Variants in FMN2 observed in about 807,000 individuals in gnomAD.
The protein encoded by FMN2 is formin-2.
Under a neutral mutation model 142.3 loss-of-function variants are expected in FMN2, and 51 were observed. That is an observed-to-expected ratio of 0.36 (90% confidence interval 0.29 to 0.45). The LOEUF (loss-of-function observed/expected upper bound fraction) is 0.45, where lower values mean the gene tolerates loss of function less well. Among genes scored for constraint, FMN2 ranks in the 20% least tolerant of loss-of-function variants. FMN2 has a pLI of 1.00. For synonymous variants in FMN2, 882 were observed against 869.8 expected, an observed-to-expected ratio of 1.01 and a Z score of -0.25; for missense variants, 1,936 against 2,122.8, an observed-to-expected ratio of 0.91 and a Z score of 1.73.
intron 1 of FMN2, among the ~76,000 whole-genome samples, chr1:240,113,515 G>T: frequency 7.9e-6 from 1 of 126,090 alleles, no homozygotes; most frequent in East Asian, 2.4e-4. Context: ...CCGAGATCAC[G>T]ACACTGCACT....
intron 14 of FMN2, among the ~76,000 whole-genome samples, chr1:240,375,079 A>C (rs1672999491): frequency 6.6e-6 from 1 of 152,176 alleles, no homozygotes; most frequent in African/African-American, 2.4e-5. Context: ...AGAGGAAAAG[A>C]GATGATAAAC....
chr1:240,112,091 C>T (rs186866777), intron 1 of FMN2, among the ~76,000 whole-genome samples: 2 of 151,700 alleles, frequency 1.3e-5, no homozygotes, highest in Admixed American at 1.3e-4. Flanking sequence ...ATAAAGATAA[C>T]GTGACCTTTG....
At chr1:240,164,383 A>G (rs1463389416) in intron 2 of FMN2, among the ~76,000 whole-genome samples, 1 of 152,156 alleles carries the variant, frequency 6.6e-6, no homozygotes, top group Non-Finnish European at 1.5e-5. Flanking sequence ...TTTCTATATT[A>G]TCTCCACAGG....
At chr1:240,320,722 A>G (rs1670943393) in intron 8 of FMN2, among the ~76,000 whole-genome samples, 2 of 152,198 alleles carry the variant, frequency 1.3e-5, no homozygotes, top group Non-Finnish European at 2.9e-5. Flanking sequence ...TTTACCGAAC[A>G]TTAGTTCTCA....
At chr1:240,141,805 G>A (rs1292667291) in intron 2 of FMN2, among the ~76,000 whole-genome samples, 1 of 152,138 alleles carries the variant, frequency 6.6e-6, no homozygotes, top group Non-Finnish European at 1.5e-5. Context: ...TTACTCTTAG[G>A]ACAGGAGAGA....
chr1:240,241,825 CTTTTTTTTTT>C (rs71567282), intron 6 of FMN2, among the ~76,000 whole-genome samples: 8 of 96,202 alleles, frequency 8.3e-5, no homozygotes, highest in African/African-American at 3.0e-4. Flanking sequence ...GTGTGCCTTG[CTTTTTTTTTT>C]TTTTTTTTTT....
At chr1:240,362,975 T>C (rs937759689) in intron 14 of FMN2, among the ~76,000 whole-genome samples, 8 of 152,178 alleles carry the variant, frequency 5.3e-5, no homozygotes, top group Non-Finnish European at 1.2e-4. Flanking sequence ...AGAACCAAAA[T>C]GAAAATGCAT....
chr1:240,328,971 G>A (rs928762555), intron 8 of FMN2, 105 bp from the exon 9 acceptor site: 18 of 914,162 alleles, frequency 2.0e-5, no homozygotes, highest in African/African-American at 1.2e-4. Context: ...AATATATAGC[G>A]TTTCGCTGTA....
intron 1 of FMN2, among the ~76,000 whole-genome samples, chr1:240,119,583 G>A (rs761688829): frequency 3.9e-5 from 6 of 152,188 alleles, no homozygotes; most frequent in Non-Finnish European, 8.8e-5. Context: ...CAAGGATGCT[G>A]CTAAAAGCAC....
intron 15 of FMN2, among the ~76,000 whole-genome samples, chr1:240,412,247 A>G (rs1272965821): frequency 1.3e-5 from 2 of 152,224 alleles, no homozygotes; most frequent in African/African-American, 4.8e-5. Flanking sequence ...AATTTGTGAT[A>G]TTAATGGGAG....
rs767178058 is a variant in FMN2 at position 240,257,945 on chromosome 1, G to C, written c.4066G>C (p.Val1356Leu). ...DTISKTKAKQ[V>L]VKLLSNKRSQ... ...CCCTTTTACTTTCTTTCTCGAGCAG[G>C]TTGTCAAGTTATTAAGCAACAAAAG... is the stretch of plus-strand genomic sequence containing the variant. Residue 1356 changes from valine to leucine, a missense_variant and splice_region_variant, in exon 7 of 18, where the codon GTT (valine) becomes CTT (leucine). Physicochemically the swap from Val to Leu is conservative, Grantham distance 32. Transcript: ENST00000319653. 2 of 1,612,316 alleles carry C rather than the reference G, an allele frequency of 1.2e-6. No homozygotes were observed. The highest frequency in any genetic ancestry group is 8.5e-7 in the Non-Finnish European group (1 of 1,179,278).
intron 14 of FMN2, among the ~76,000 whole-genome samples, chr1:240,356,380 T>A (rs925383432): frequency 6.6e-6 from 1 of 152,160 alleles, no homozygotes; most frequent in Admixed American, 6.5e-5. Flanking sequence ...GCAGTTTTTT[T>A]AATGGGATAC....
chr1:240,454,420 T>G (rs1425246913), intron 16 of FMN2, among the ~76,000 whole-genome samples: 2 of 152,170 alleles, frequency 1.3e-5, no homozygotes, highest in Non-Finnish European at 2.9e-5. Flanking sequence ...TACCCACTTG[T>G]AATCCCAGCT....
chr1:240,374,520 A>C (rs1672980038), intron 14 of FMN2, among the ~76,000 whole-genome samples: 1 of 152,186 alleles, frequency 6.6e-6, no homozygotes, highest in Admixed American at 6.5e-5. Context: ...TTCACCTTGC[A>C]CTTTTATGCT....
chr1:240,351,574 C>T (rs568826339), intron 13 of FMN2, among the ~76,000 whole-genome samples: 52 of 151,964 alleles, frequency 3.4e-4, no homozygotes, highest in Non-Finnish European at 6.8e-4. Flanking sequence ...ATATGAATGG[C>T]CCAAGGACAT....
chr1:240,234,706 T>A (rs1160900147), intron 6 of FMN2, among the ~76,000 whole-genome samples: 2 of 152,198 alleles, frequency 1.3e-5, no homozygotes, highest in Non-Finnish European at 2.9e-5. Context: ...TAGAAAACCA[T>A]GTTGAATCAC....
chr1:240,313,440 A>G (rs2102990151), intron 8 of FMN2, among the ~76,000 whole-genome samples: 1 of 152,366 alleles, frequency 6.6e-6, no homozygotes, highest in South Asian at 2.1e-4. Context: ...CTTATGTGTG[A>G]TTGAACCAGA....
Position 240,263,148 on chromosome 1 carries a change from C to G in FMN2, c.4153+5116C>G, listed in dbSNP as rs151027724. On this transcript the variant is annotated intron_variant, in intron 7 of 17. Transcript: ENST00000319653. ...TTCAGACTGAACCCTCCCCCACACA[C>G]AGATATATATTACACTGGTATTTCC... Among the ~76,000 whole-genome samples the G allele has an allele frequency of 8.2e-3, 1,245 of 152,260 alleles. 20 individuals carry two copies. Among genetic ancestry groups the G allele is most frequent in the African/African-American group, 0.028 (1,163 of 41,548 alleles).
At chr1:240,274,221 GA>G (rs112979143) in intron 7 of FMN2, among the ~76,000 whole-genome samples, 17,161 of 109,170 alleles carry the variant, frequency 0.16, 1,551 homozygotes, top group African/African-American at 0.31. Flanking sequence ...TGGGGGAAAC[GA>G]AAAAAAAAAA....
Sources: allele counts gnomAD v4.1 joint callset (sites outside exome capture counted in the v4.1 genomes callset), GRCh38; gene constraint gnomAD v4.1.1; transcripts MANE v1.5; gene names NCBI Gene and HGNC (gene_info 2026-07-23, HGNC 2026-07-21).